Variants in KCNH1 observed in about 807,000 individuals in gnomAD.
The protein encoded by KCNH1 is voltage-gated delayed rectifier potassium channel KCNH1.
Under a neutral mutation model 69.2 loss-of-function variants are expected in KCNH1, and 27 were observed. That is an observed-to-expected ratio of 0.39 (90% CI 0.29 to 0.54). KCNH1 has a LOEUF of 0.54. Ranked by LOEUF, KCNH1 falls within the 20% of genes least tolerant of loss-of-function variation. KCNH1 has a pLI of 0.68. For missense variants in KCNH1, 798 were observed against 1,261.6 expected, an observed-to-expected ratio of 0.63 and a Z score of 5.57; for synonymous variants, 456 against 487.7, an observed-to-expected ratio of 0.93 and a Z score of 0.86.
chr1:211,094,611 T>C (rs1427322929), intron 3 of KCNH1, among the ~76,000 whole-genome samples: 1 of 152,246 alleles, frequency 6.6e-6, no homozygotes, highest in East Asian at 1.9e-4. Context: ...AATGTAGTAT[T>C]ATGCACAGGG....
intron 1 of KCNH1, among the ~76,000 whole-genome samples, chr1:211,122,116 C>T (rs1305714527): frequency 2.0e-5 from 3 of 151,294 alleles, no homozygotes; most frequent in Non-Finnish European, 4.4e-5. Flanking sequence ...CCAGCCTGGG[C>T]GACAGTGAGA....
intron 10 of KCNH1, among the ~76,000 whole-genome samples, chr1:210,727,739 C>T (rs944706398): frequency 6.6e-5 from 10 of 152,182 alleles, no homozygotes; most frequent in African/African-American, 2.4e-4. Flanking sequence ...TTTCAGCTAA[C>T]ATGCAAGAAC....
intron 7 of KCNH1, among the ~76,000 whole-genome samples, chr1:210,835,040 T>A (rs1685252719): frequency 6.6e-6 from 1 of 152,198 alleles, no homozygotes; most frequent in African/African-American, 2.4e-5. Context: ...CTTCTGAAGA[T>A]AGGAGAGAAC....
chr1:210,865,717 G>A (rs1029119330), intron 7 of KCNH1, among the ~76,000 whole-genome samples: 8 of 152,120 alleles, frequency 5.3e-5, no homozygotes, highest in African/African-American at 1.2e-4. Flanking sequence ...CACCCCAATC[G>A]CATTTTCCAA....
At chr1:211,067,942 G>A (rs747700407) in intron 5 of KCNH1, among the ~76,000 whole-genome samples, 1 of 152,200 alleles carries the variant, frequency 6.6e-6, no homozygotes, top group Non-Finnish European at 1.5e-5. Flanking sequence ...GATTAGAGGA[G>A]ACAAGAAGCA....
chr1:211,064,419 G>A (rs35035396), intron 5 of KCNH1, among the ~76,000 whole-genome samples: 29,653 of 151,910 alleles, frequency 0.2, 3,112 homozygotes, highest in Non-Finnish European at 0.23. Context: ...AAAATTGCCC[G>A]GCGTGGTGGT....
chr1:211,005,218 A>G (rs191725271), intron 6 of KCNH1, among the ~76,000 whole-genome samples: 1 of 152,288 alleles, frequency 6.6e-6, no homozygotes, highest in Admixed American at 6.5e-5. Flanking sequence ...AGCTTACAGA[A>G]ATTGACTCCA....
In KCNH1 at chr1:210,975,354, C is replaced by A. The variant is rs187293149; in HGVS notation, c.1032+43429G>T. 3.0e-3 allele frequency among the ~76,000 whole-genome samples: 463 copies of A among 152,298 alleles called. 3 individuals are homozygous for A. Among genetic ancestry groups the A allele is most frequent in the South Asian group, 0.019 (93 of 4,822 alleles). On this transcript the variant is annotated intron_variant, in intron 6 of 10. Coordinates refer to ENST00000271751, the MANE Select transcript of KCNH1 (RefSeq NM_172362.3). ...CACTACCTGACTTCAAACTATGCTACAAGGCTACAGTAACCAAAACAGCAT... is the reference window on the plus strand; with the variant it reads ...CACTACCTGACTTCAAACTATGCTAAAAGGCTACAGTAACCAAAACAGCAT...
At chr1:210,989,453 T>C (rs1214028742) in intron 6 of KCNH1, among the ~76,000 whole-genome samples, 1 of 152,214 alleles carries the variant, frequency 6.6e-6, no homozygotes, top group Non-Finnish European at 1.5e-5. Flanking sequence ...TACTCAAATA[T>C]TGAGTTGCTT....
intron 9 of KCNH1, among the ~76,000 whole-genome samples, chr1:210,787,538 A>G (rs1180694592): frequency 6.6e-6 from 1 of 152,188 alleles, no homozygotes; most frequent in Non-Finnish European, 1.5e-5. Context: ...CATCAATGAA[A>G]GCATGCGTTT....
intron 5 of KCNH1, among the ~76,000 whole-genome samples, chr1:211,039,316 C>G (rs981848763): frequency 4.1e-4 from 63 of 152,226 alleles, no homozygotes; most frequent in Non-Finnish European, 5.9e-5. Flanking sequence ...GATGCCTAGG[C>G]AAAGGTTTGC....
Position 211,018,892 on chromosome 1 carries a change from ACAT to A in KCNH1, c.920_922del (p.Asp307del). 6.2e-7 allele frequency: 1 copy of A among 1,614,084 alleles called. No individual in the cohort carries two copies. The highest frequency in any genetic ancestry group is 8.5e-7 in the Non-Finnish European group (1 of 1,179,986). On this transcript the variant is annotated inframe_deletion, in exon 6 of 11. Transcript: ENST00000271751. ...ATCCACGTTCTCAAAAGCGTTGATG[ACAT>A]CATATGGCAAACAGGACAGAAGGTC...
intron 6 of KCNH1, among the ~76,000 whole-genome samples, chr1:210,971,532 A>G (rs1190361877): frequency 6.6e-6 from 1 of 152,146 alleles, no homozygotes; most frequent in Admixed American, 6.6e-5. Flanking sequence ...ATTTTACTGC[A>G]TTTTACTATT....
At chr1:210,822,345 AG>A (rs1453198255) in intron 7 of KCNH1, among the ~76,000 whole-genome samples, 2 of 152,110 alleles carry the variant, frequency 1.3e-5, no homozygotes, top group Non-Finnish European at 2.9e-5. Flanking sequence ...AGAGGCAGGC[AG>A]GGGCCAGGCG....
At chr1:210,815,719 G>T (rs750438026) in intron 7 of KCNH1, among the ~76,000 whole-genome samples, 1 of 152,086 alleles carries the variant, frequency 6.6e-6, no homozygotes, top group Non-Finnish European at 1.5e-5. Context: ...AGGTTGCCTT[G>T]AGATAGCAGC....
intron 6 of KCNH1, among the ~76,000 whole-genome samples, chr1:210,984,931 G>C (rs573933918): frequency 9.2e-5 from 14 of 152,112 alleles, no homozygotes; most frequent in Non-Finnish European, 1.5e-5. Context: ...TTTTTGGTTG[G>C]TAAGCTATTA....
At chr1:210,793,609 T>TA (rs1323537022) in intron 9 of KCNH1, among the ~76,000 whole-genome samples, 1 of 152,210 alleles carries the variant, frequency 6.6e-6, no homozygotes, top group African/African-American at 2.4e-5. Context: ...GTGCTAAAAT[T>TA]AAACAGAGAA....
chr1:211,051,418 C>T (rs978476501), intron 5 of KCNH1, among the ~76,000 whole-genome samples: 32 of 152,084 alleles, frequency 2.1e-4, no homozygotes, highest in African/African-American at 7.5e-4. Flanking sequence ...AGGACAGCTT[C>T]TAAGAGGAAG....
chr1:211,096,730 T>A (rs1159970358), intron 3 of KCNH1, among the ~76,000 whole-genome samples: 1 of 152,204 alleles, frequency 6.6e-6, no homozygotes, highest in East Asian at 1.9e-4. Context: ...GTCTCAGCTG[T>A]TTTTGTATTT....
Sources: allele counts gnomAD v4.1 joint callset (sites outside exome capture counted in the v4.1 genomes callset), GRCh38; gene constraint gnomAD v4.1.1; transcripts MANE v1.5; gene names NCBI Gene and HGNC (gene_info 2026-07-23, HGNC 2026-07-21).